PDE4D: variants seen among roughly 807,000 people sequenced by gnomAD.
The protein encoded by PDE4D is 3',5'-cyclic-AMP phosphodiesterase 4D.
In PDE4D, 24 loss-of-function variants were observed where a neutral mutation model predicts 87.4. The observed-to-expected ratio is 0.27, with a 90% CI of 0.20 to 0.39. PDE4D has a LOEUF of 0.39. PDE4D is among the 10% of genes least tolerant of loss of function. The pLI, the probability that PDE4D is intolerant of heterozygous loss-of-function variation, is 1.00. For missense variants in PDE4D, 714 were observed against 1,041.0 expected, an observed-to-expected ratio of 0.69 and a Z score of 4.32; for synonymous variants, 384 against 383.2, an observed-to-expected ratio of 1.00 and a Z score of -0.02.
At chr5:60,483,650 T>C (rs912028108) in intron 1 of PDE4D, among the ~76,000 whole-genome samples, 3 of 152,190 alleles carry the variant, frequency 2.0e-5, no homozygotes, top group Non-Finnish European at 4.4e-5. Flanking sequence ...GAAGTGTTCT[T>C]ATCCAATCAC....
intron 1 of PDE4D, among the ~76,000 whole-genome samples, chr5:59,328,957 C>G (rs554341592): frequency 1.7e-4 from 26 of 152,344 alleles, no homozygotes; most frequent in African/African-American, 6.3e-4. Context: ...CTCATCTGCT[C>G]AGCAGACCTC....
At chr5:59,498,547 C>T (rs1807644937) in intron 1 of PDE4D, among the ~76,000 whole-genome samples, 1 of 151,726 alleles carries the variant, frequency 6.6e-6, no homozygotes, top group Non-Finnish European at 1.5e-5. Flanking sequence ...CTTGTAATGG[C>T]ACCCATAGGC....
intron 1 of PDE4D, among the ~76,000 whole-genome samples, chr5:59,876,682 A>G (rs1456032234): frequency 6.6e-6 from 1 of 152,128 alleles, no homozygotes. Flanking sequence ...TCTAGAGGAC[A>G]TTGATTATGT....
intron 5 of PDE4D, among the ~76,000 whole-genome samples, chr5:59,135,229 C>A (rs1199344086): frequency 6.6e-6 from 1 of 152,138 alleles, no homozygotes; most frequent in Non-Finnish European, 1.5e-5. Flanking sequence ...CATTAAGGCA[C>A]ATTTATTTCT....
chr5:60,116,831 A>G (rs576344617), intron 2 of PDE4D, among the ~76,000 whole-genome samples: 1 of 152,236 alleles, frequency 6.6e-6, no homozygotes, highest in Non-Finnish European at 1.5e-5. Flanking sequence ...TGCATCTATC[A>G]TGTTAATAAG....
At chr5:59,843,825 C>G (rs1743421846) in intron 1 of PDE4D, among the ~76,000 whole-genome samples, 1 of 152,100 alleles carries the variant, frequency 6.6e-6, no homozygotes, top group South Asian at 2.1e-4. Context: ...GACAAGAGTT[C>G]AGCCTACTTG....
intron 3 of PDE4D, among the ~76,000 whole-genome samples, chr5:59,967,804 C>A (rs1470315024): frequency 2.6e-5 from 4 of 152,164 alleles, no homozygotes; most frequent in African/African-American, 7.2e-5. Context: ...CTCATATGCT[C>A]ATCACTGCAC....
intron 1 of PDE4D, among the ~76,000 whole-genome samples, chr5:60,453,172 C>T (rs894374658): frequency 2.6e-5 from 4 of 152,054 alleles, no homozygotes; most frequent in African/African-American, 7.2e-5. Flanking sequence ...TATTTAAAAG[C>T]ACATATAGCT....
chr5:59,042,728 C>G (rs1759899932), intron 5 of PDE4D, among the ~76,000 whole-genome samples: 2 of 152,150 alleles, frequency 1.3e-5, no homozygotes, highest in South Asian at 2.1e-4. Context: ...TTCAAGGCAC[C>G]TTTGAACTAT....
In PDE4D at chr5:59,893,151, G is replaced by A; in HGVS notation, c.455+17C>T. ...TGACCCTTTGCCTGAATGGGGGAGG[G>A]GGCGCTCTCCACTCACCGCCTGAGT... On this transcript the variant is annotated intron_variant, in intron 1 of 14. Coordinates refer to ENST00000340635, the MANE Select transcript of PDE4D (RefSeq NM_001104631.2). The A allele has an allele frequency of 6.5e-7, 1 of 1,548,796 alleles. No individual in the cohort carries two copies. The highest frequency in any genetic ancestry group is 8.7e-7 in the Non-Finnish European group (1 of 1,146,216).
chr5:59,129,763 G>C (rs1262306002), intron 5 of PDE4D, among the ~76,000 whole-genome samples: 7 of 152,086 alleles, frequency 4.6e-5, no homozygotes, highest in Admixed American at 1.3e-4. Context: ...GGCAGATGCT[G>C]GTTTTAGAGT....
intron 1 of PDE4D, among the ~76,000 whole-genome samples, chr5:60,449,781 T>C (rs1745947133): frequency 6.6e-6 from 1 of 151,514 alleles, no homozygotes; most frequent in South Asian, 2.1e-4. Context: ...TTGTAGTCCT[T>C]TGGGTATATA....
intron 2 of PDE4D, among the ~76,000 whole-genome samples, chr5:60,036,671 C>T (rs1321228699): frequency 1.3e-5 from 2 of 152,188 alleles, no homozygotes; most frequent in Non-Finnish European, 2.9e-5. Context: ...TGCCCTGACA[C>T]TGAAGTCAAT....
At chr5:59,794,240 T>C (rs1486752534) in intron 1 of PDE4D, among the ~76,000 whole-genome samples, 1 of 152,202 alleles carries the variant, frequency 6.6e-6, no homozygotes. Flanking sequence ...TTCATCTTTA[T>C]ATTCAGAACT....
At chr5:60,093,716 C>T (rs1775376304) in intron 2 of PDE4D, among the ~76,000 whole-genome samples, 1 of 152,084 alleles carries the variant, frequency 6.6e-6, no homozygotes, top group East Asian at 1.9e-4. Context: ...TGAAAATATT[C>T]TTATTTTAAA....
intron 1 of PDE4D, among the ~76,000 whole-genome samples, chr5:59,219,229 G>A (rs990561722): frequency 1.3e-5 from 2 of 151,226 alleles, no homozygotes; most frequent in Non-Finnish European, 2.9e-5. Context: ...AAATACTTGA[G>A]AAGACTTAAT....
intron 2 of PDE4D, among the ~76,000 whole-genome samples, chr5:59,197,907 T>G (rs1745828916): frequency 6.6e-6 from 1 of 152,064 alleles, no homozygotes; most frequent in South Asian, 2.1e-4. Context: ...CCACGTAAAG[T>G]GGGGCTGGGA....
intron 6 of PDE4D, among the ~76,000 whole-genome samples, chr5:59,033,636 C>T (rs534843798): frequency 6.6e-6 from 1 of 152,274 alleles, no homozygotes; most frequent in South Asian, 2.1e-4. Context: ...TTAAACTGAA[C>T]AAAAGCATTA....
intron 1 of PDE4D, among the ~76,000 whole-genome samples, chr5:59,455,477 A>C (rs1438690121): frequency 2.6e-5 from 4 of 152,164 alleles, no homozygotes; most frequent in Non-Finnish European, 5.9e-5. Flanking sequence ...ATTTCATAGG[A>C]TGTATGGAAA....
Sources: gnomAD v4.1 joint callset for allele counts (sites outside exome capture counted in the v4.1 genomes callset) on GRCh38, gnomAD v4.1.1 for gene constraint, MANE v1.5 for transcripts, NCBI Gene and HGNC (gene_info 2026-07-23, HGNC 2026-07-21) for gene names.